The following ZFPM2 variants were observed in gnomAD, a reference collection of about 807,000 sequenced individuals.
ZFPM2 encodes zinc finger protein, FOG family member 2, also known as zinc finger protein ZFPM2.
Under a neutral mutation model 98.6 loss-of-function variants are expected in ZFPM2, and 20 were observed. That is an observed-to-expected ratio of 0.20 (90% CI 0.14 to 0.29). The LOEUF is 0.29. ZFPM2 is among the 10% of genes least tolerant of loss of function. The probability of loss-of-function intolerance (pLI) is 1.00; values close to 1 mark genes in which losing one functional copy is unlikely to be tolerated. For missense variants in ZFPM2, 1,310 were observed against 1,388.6 expected (o/e 0.94, Z 0.90); for synonymous variants, 518 against 502.7 (o/e 1.03, Z -0.41).
chr8:105,752,349 T>C (rs1341646766), intron 5 of ZFPM2, among the ~76,000 whole-genome samples: 1 of 152,156 alleles, frequency 6.6e-6, no homozygotes, highest in Non-Finnish European at 1.5e-5. Flanking sequence ...GTTGTACATC[T>C]GCTCAGCACA....
At chr8:105,596,960 T>C (rs1258339927) in intron 4 of ZFPM2, among the ~76,000 whole-genome samples, 1 of 151,688 alleles carries the variant, frequency 6.6e-6, no homozygotes, top group Non-Finnish European at 1.5e-5. Context: ...CTGTTGTTTT[T>C]TGTAAAGTAG....
chr8:105,394,205 A>G (rs182536015), intron 1 of ZFPM2, among the ~76,000 whole-genome samples: 3 of 152,086 alleles, frequency 2.0e-5, no homozygotes, highest in Admixed American at 1.3e-4. Context: ...AGACCTAAAT[A>G]TTTCTAACTG....
At chr8:105,319,088 C>G in intron 1 of ZFPM2, 107 bp downstream of exon 1, 1 of 1,308,404 alleles carries the variant, frequency 7.6e-7, no homozygotes, top group South Asian at 1.7e-5. Context: ...AGATCCGCTC[C>G]CGGTCCCCTA....
At chr8:105,463,337 CTA>C (rs1305883385) in intron 3 of ZFPM2, among the ~76,000 whole-genome samples, 1 of 150,792 alleles carries the variant, frequency 6.6e-6, no homozygotes, top group Admixed American at 6.6e-5. Context: ...TTTTTATAAG[CTA>C]TATATGTGTG....
At position 105,462,845 on chromosome 8, in the gene ZFPM2, T is replaced by C. The variant is rs1381871152; in HGVS notation, c.301+18464T>C. On this transcript the variant is annotated intron_variant, in intron 3 of 7. Coordinates refer to ENST00000407775, the MANE Select transcript of ZFPM2 (RefSeq NM_012082.4). ...GAAATAGCGAATCCGTTTGTATCTA[T>C]GTTGTTCAAAAAATAAAAGTCGTTT... Among the ~76,000 whole-genome samples, 4 of 152,272 alleles carry C rather than the reference T, an allele frequency of 2.6e-5. No homozygotes were observed. In the South Asian group the frequency reaches 6.2e-4, roughly 24 times the overall value.
intron 3 of ZFPM2, among the ~76,000 whole-genome samples, chr8:105,552,697 A>G (rs1174636720): frequency 6.6e-6 from 1 of 151,902 alleles, no homozygotes; most frequent in Non-Finnish European, 1.5e-5. Flanking sequence ...AGGGCAGAAT[A>G]TGGCAATTTC....
intron 4 of ZFPM2, among the ~76,000 whole-genome samples, chr8:105,618,150 C>A: frequency 6.6e-6 from 1 of 152,096 alleles, no homozygotes; most frequent in East Asian, 1.9e-4. Flanking sequence ...AAAACAGAAA[C>A]TGCTAACCAC....
intron 1 of ZFPM2, among the ~76,000 whole-genome samples, chr8:105,348,914 C>A (rs1812588710): frequency 1.3e-5 from 2 of 152,102 alleles, no homozygotes; most frequent in South Asian, 4.1e-4. Context: ...TGTGAATTCC[C>A]ATATGATCAG....
rs1473417909 is a variant in ZFPM2, at chr8:105,399,866, A to G, written c.41-19278A>G. On this transcript the variant is annotated intron_variant, in intron 1 of 7. Transcript: ENST00000407775. ...CCGCAACCTGTGCCTCCTGGGTTCA[A>G]GTAATTCTCTTGCCTCAGCCTCCCG... Among the ~76,000 whole-genome samples the G allele has an allele frequency of 3.9e-5, 6 of 152,218 alleles. No homozygotes were observed. In the South Asian group the frequency reaches 1.0e-3, roughly 26 times the overall value.
At chr8:105,495,385 T>C (rs561936786) in intron 3 of ZFPM2, among the ~76,000 whole-genome samples, 28 of 152,298 alleles carry the variant, frequency 1.8e-4, no homozygotes, top group Admixed American at 1.2e-3. Flanking sequence ...CCCTAGAACT[T>C]ACAGTATAAT....
chr8:105,594,386 G>T (rs936846934), intron 4 of ZFPM2, among the ~76,000 whole-genome samples: 9 of 151,998 alleles, frequency 5.9e-5, no homozygotes, highest in African/African-American at 2.2e-4. Flanking sequence ...TTTTAATATG[G>T]TAGCACTGTT....
Position 105,444,401 on chromosome 8 carries a change from A to G in ZFPM2, c.301+20A>G, listed in dbSNP as rs200641732. ...GACCAGGTAGGGGAGAATATTTAAA[A>G]TTCAACCGTCTTTAGTACTGTTAGA... On this transcript the variant is annotated intron_variant, in intron 3 of 7. Coordinates refer to ENST00000407775, the MANE Select transcript of ZFPM2 (RefSeq NM_012082.4). The G allele has an allele frequency of 6.3e-7, 1 of 1,576,032 alleles. No individual in the cohort carries two copies. Among genetic ancestry groups the G allele is most frequent in the Non-Finnish European group, 8.7e-7 (1 of 1,153,694 alleles).
intron 5 of ZFPM2, among the ~76,000 whole-genome samples, chr8:105,727,419 G>C (rs981063733): frequency 6.6e-6 from 1 of 151,676 alleles, no homozygotes. Context: ...AATGTACTAT[G>C]CGATCTCCTA....
intron 5 of ZFPM2, among the ~76,000 whole-genome samples, chr8:105,788,065 AG>A (rs753898615): frequency 6.5e-4 from 99 of 152,314 alleles, no homozygotes; most frequent in Non-Finnish European, 1.0e-3. Context: ...TCTTCATTTC[AG>A]GAAGTTCAAT....
rs1017765308 is a variant in ZFPM2, at chr8:105,800,614, A to G, written c.965-433A>G. Among the ~76,000 whole-genome samples, 25 of 152,150 alleles carry G rather than the reference A, an allele frequency of 1.6e-4. 1 individual carries two copies. The highest frequency in any genetic ancestry group is 1.3e-3 in the Admixed American group (20 of 15,270). ...GTGTACTGAGAGTTATTTGATTTGC[A>G]TTGTTTTCAATAGCAACCCTAATGA... On this transcript the variant is annotated intron_variant, in intron 7 of 7. Coordinates refer to ENST00000407775, the MANE Select transcript of ZFPM2 (RefSeq NM_012082.4).
intron 5 of ZFPM2, among the ~76,000 whole-genome samples, chr8:105,780,006 G>A (rs1813204043): frequency 6.6e-6 from 1 of 152,156 alleles, no homozygotes; most frequent in Admixed American, 6.5e-5. Context: ...AACCGTATCT[G>A]GTTGCACAAG....
intron 3 of ZFPM2, among the ~76,000 whole-genome samples, chr8:105,560,302 G>A (rs2130696362): frequency 6.6e-6 from 1 of 151,954 alleles, no homozygotes; most frequent in East Asian, 1.9e-4. Flanking sequence ...TTTTGCCATA[G>A]TTTTGCACCA....
At chr8:105,447,791 C>A (rs572042488) in intron 3 of ZFPM2, among the ~76,000 whole-genome samples, 2 of 152,100 alleles carry the variant, frequency 1.3e-5, no homozygotes, top group African/African-American at 4.8e-5. Context: ...ACGACGACTC[C>A]ACAACCTTTC....
Position 105,802,017 on chromosome 8 carries a change from C to A in ZFPM2, c.1935C>A (p.Asp645Glu), listed in dbSNP as rs747394984. 4.3e-6 allele frequency: 7 copies of A among 1,613,694 alleles called. No homozygotes were observed. Among genetic ancestry groups the A allele is most frequent in the Non-Finnish European group, 5.9e-6 (7 of 1,179,864 alleles). The part of the protein sequence containing the change: ...IGPNGKGHDK[D>E]FSTQTKKLST... ...CAAATGGGAAGGGCCATGACAAGGA[C>A]TTTTCCACTCAAACTAAGAAGCTCT... The change falls in exon 8 of 8, where the codon GAC (aspartate) becomes GAA (glutamate). Residue 645 changes from aspartate to glutamate, a missense_variant. Transcript: ENST00000407775.
Sources: gnomAD v4.1 joint callset for allele counts (sites outside exome capture counted in the v4.1 genomes callset) on GRCh38, gnomAD v4.1.1 for gene constraint, MANE v1.5 for transcripts, NCBI Gene and HGNC (gene_info 2026-07-23, HGNC 2026-07-21) for gene names.